KCTD8: variants seen among roughly 807,000 people sequenced by gnomAD.
The protein encoded by KCTD8 is BTB/POZ domain-containing protein KCTD8.
KCTD8 carries 27 observed loss-of-function variants against 31.5 expected under a neutral mutation model. The ratio of observed to expected loss-of-function variants is 0.86; its 90% CI spans 0.63 to 1.18. KCTD8 has a LOEUF of 1.18. Among genes scored for constraint, KCTD8 ranks in the 50% most tolerant of loss-of-function variants. The pLI is 0.00. For synonymous variants in KCTD8, 290 were observed against 280.0 expected (o/e 1.04, Z -0.36); for missense variants, 658 against 647.7 (o/e 1.02, Z -0.17).
chr4:44,206,515 T>C (rs913727207), intron 1 of KCTD8, among the ~76,000 whole-genome samples: 2 of 152,108 alleles, frequency 1.3e-5, no homozygotes, highest in Admixed American at 6.6e-5. Flanking sequence ...CTTCCATTGA[T>C]TGATGAGTGA....
At chr4:44,400,044 TCTA>T (rs1158263502) in intron 1 of KCTD8, among the ~76,000 whole-genome samples, 10 of 152,206 alleles carry the variant, frequency 6.6e-5, no homozygotes, top group Admixed American at 6.5e-4. Flanking sequence ...TAACATCAAC[TCTA>T]CTATTTGTAG....
At chr4:44,335,146 G>T (rs922893039) in intron 1 of KCTD8, among the ~76,000 whole-genome samples, 4 of 151,980 alleles carry the variant, frequency 2.6e-5, no homozygotes, top group African/African-American at 9.7e-5. Flanking sequence ...AGAATATTTA[G>T]AAATTATGAT....
chr4:44,287,321 G>C (rs1427480938), intron 1 of KCTD8, among the ~76,000 whole-genome samples: 1 of 151,964 alleles, frequency 6.6e-6, no homozygotes, highest in Non-Finnish European at 1.5e-5. Flanking sequence ...ATACAATACT[G>C]TTTCTGTGCT....
intron 1 of KCTD8, among the ~76,000 whole-genome samples, chr4:44,278,117 T>C (rs1716802201): frequency 6.6e-6 from 1 of 151,998 alleles, no homozygotes; most frequent in South Asian, 2.1e-4. Context: ...CTCTTCTATC[T>C]TTGTTTAAAT....
chr4:44,318,482 GAAAC>G (rs753322657), intron 1 of KCTD8, among the ~76,000 whole-genome samples: 2 of 151,986 alleles, frequency 1.3e-5, no homozygotes, highest in Non-Finnish European at 2.9e-5. Flanking sequence ...TCTGGAACGT[GAAAC>G]TTAAAAAAAA....
chr4:44,247,215 A>G (rs996185805), intron 1 of KCTD8, among the ~76,000 whole-genome samples: 1 of 151,752 alleles, frequency 6.6e-6, no homozygotes, highest in Non-Finnish European at 1.5e-5. Flanking sequence ...TCTGCTTTTT[A>G]TTTCTGTATT....
chr4:44,283,240 A>T (rs1029592663), intron 1 of KCTD8, among the ~76,000 whole-genome samples: 11 of 151,740 alleles, frequency 7.2e-5, no homozygotes, highest in Admixed American at 2.0e-4. Flanking sequence ...AGTAGAGACA[A>T]GGTTTTGCCA....
Position 44,174,168 on chromosome 4 carries a change from C to A in KCTD8, c.*622G>T, listed in dbSNP as rs1713125947. The A allele has an allele frequency of 6.6e-6, 1 of 152,434 alleles. No homozygotes were observed. The highest frequency in any genetic ancestry group is 6.5e-5 in the Admixed American group (1 of 15,268). 9.4% of individuals were successfully genotyped at this position (152,434 alleles called of 1,614,324 possible). Reference sequence around the variant, plus strand: ...ACACAAAAAAGTCACAGATCCAGAACAAAGAAAATTCAATCTCCTAGACAG... The same window carrying A: ...ACACAAAAAAGTCACAGATCCAGAAAAAAGAAAATTCAATCTCCTAGACAG... On this transcript the variant is annotated 3_prime_UTR_variant, in exon 2 of 2. Transcript: ENST00000360029.
At chr4:44,346,389 TA>T (rs763280773) in intron 1 of KCTD8, among the ~76,000 whole-genome samples, 15 of 152,162 alleles carry the variant, frequency 9.9e-5, no homozygotes, top group Non-Finnish European at 1.9e-4. Context: ...GGAGATATTT[TA>T]AATTCAACTC....
chr4:44,243,777 G>C (rs1715572458), intron 1 of KCTD8, among the ~76,000 whole-genome samples: 1 of 152,194 alleles, frequency 6.6e-6, no homozygotes, highest in South Asian at 2.1e-4. Flanking sequence ...AATAGGAAGA[G>C]AAAAAGCAAA....
intron 1 of KCTD8, among the ~76,000 whole-genome samples, chr4:44,271,570 C>T (rs1716603063): frequency 6.6e-6 from 1 of 152,034 alleles, no homozygotes; most frequent in African/African-American, 2.4e-5. Flanking sequence ...GGCCATGATG[C>T]CCACACTGAA....
chr4:44,198,659 T>C (rs545172332), intron 1 of KCTD8, among the ~76,000 whole-genome samples: 7 of 152,006 alleles, frequency 4.6e-5, no homozygotes, highest in African/African-American at 1.7e-4. Flanking sequence ...CTTAAGGAAA[T>C]GATAAACATA....
chr4:44,383,880 A>C (rs990173095), intron 1 of KCTD8, among the ~76,000 whole-genome samples: 2 of 152,058 alleles, frequency 1.3e-5, no homozygotes, highest in African/African-American at 4.8e-5. Context: ...CAGAGTGAAG[A>C]TATTACTTGC....
intron 1 of KCTD8, among the ~76,000 whole-genome samples, chr4:44,423,027 G>T (rs1382892721): frequency 1.3e-5 from 2 of 151,936 alleles, no homozygotes; most frequent in East Asian, 1.9e-4. Flanking sequence ...CATTTATTTA[G>T]GTCAGCAGTT....
intron 1 of KCTD8, among the ~76,000 whole-genome samples, chr4:44,336,142 T>A: frequency 1.2e-5 from 1 of 82,386 alleles, no homozygotes; most frequent in African/African-American, 5.5e-5. Context: ...AGAGCGAGAC[T>A]CCGTCTCAAA....
intron 1 of KCTD8, among the ~76,000 whole-genome samples, chr4:44,239,293 G>A (rs995135641): frequency 6.6e-6 from 1 of 152,124 alleles, no homozygotes; most frequent in Non-Finnish European, 1.5e-5. Context: ...GACGTGTTGG[G>A]GCTAAGAACA....
intron 1 of KCTD8, among the ~76,000 whole-genome samples, chr4:44,246,396 G>A (rs1307752656): frequency 1.3e-5 from 2 of 151,814 alleles, no homozygotes; most frequent in African/African-American, 4.8e-5. Context: ...GTCCTTTTAT[G>A]TACGGTTTTT....
Position 44,175,129 on chromosome 4 carries a change from G to A in KCTD8, c.1083C>T (p.Asp361=). The part of the protein sequence containing the change: ...SCNELSTSSC[D]SHSEASTPQD... Reference sequence around the variant, plus strand: ...GGGGAGTGCTTGCCTCTGAATGGCTGTCACAACTGGAAGTGGAGAGCTCAT... The same window carrying A: ...GGGGAGTGCTTGCCTCTGAATGGCTATCACAACTGGAAGTGGAGAGCTCAT... Residue 361 remains aspartate (D), a synonymous_variant, in exon 2 of 2, where the codon GAC becomes GAT. Coordinates refer to ENST00000360029, the MANE Select transcript of KCTD8 (RefSeq NM_198353.3). 1 of 1,614,014 alleles carries A rather than the reference G, an allele frequency of 6.2e-7. No individual in the cohort carries two copies. The highest frequency in any genetic ancestry group is 8.5e-7 in the Non-Finnish European group (1 of 1,179,940).
intron 1 of KCTD8, among the ~76,000 whole-genome samples, chr4:44,383,773 T>A (rs1358477346): frequency 6.6e-6 from 1 of 151,640 alleles, no homozygotes; most frequent in Non-Finnish European, 1.5e-5. Context: ...TGGGCAAAAA[T>A]TGTATGAATA....
Sources: gnomAD v4.1 joint callset for allele counts (sites outside exome capture counted in the v4.1 genomes callset) on GRCh38, gnomAD v4.1.1 for gene constraint, MANE v1.5 for transcripts, NCBI Gene and HGNC (gene_info 2026-07-23, HGNC 2026-07-21) for gene names.